Variants in CYFIP1 observed in about 807,000 individuals in gnomAD.
CYFIP1 encodes cytoplasmic FMR1-interacting protein 1.
In CYFIP1, 58 loss-of-function variants were observed where a neutral mutation model predicts 163.5. The ratio of observed to expected loss-of-function variants is 0.35; its 90% confidence interval spans 0.29 to 0.44. The LOEUF (loss-of-function observed/expected upper bound fraction) is 0.44, where lower values mean the gene tolerates loss of function less well. Ranked by LOEUF, CYFIP1 falls within the 20% of genes least tolerant of loss-of-function variation. The probability of loss-of-function intolerance (pLI) is 1.00; values close to 1 mark genes in which losing one functional copy is unlikely to be tolerated. For missense variants in CYFIP1, 1,338 were observed against 1,653.8 expected (o/e 0.81, Z 3.31); for synonymous variants, 663 against 660.7 (o/e 1.00, Z -0.05).
At chr15:22,897,081 C>T (rs1048781116) in intron 22 of CYFIP1, among the ~76,000 whole-genome samples, 2 of 151,998 alleles carry the variant, frequency 1.3e-5, no homozygotes, top group African/African-American at 4.8e-5. Context: ...GGCGTGGTGG[C>T]ACATGCCTGT....
rs75828053 is a variant in CYFIP1 at position 22,933,932 on chromosome 15, A to G, written c.901-39T>C. ...ACAAAAAAATAGAGTCATTATGTATATTTAGTCACCAAATACATAAGCACA... is the reference window on the plus strand; with the variant it reads ...ACAAAAAAATAGAGTCATTATGTATGTTTAGTCACCAAATACATAAGCACA... On this transcript the variant is annotated intron_variant, in intron 9 of 30. Coordinates refer to ENST00000617928, the MANE Select transcript of CYFIP1 (RefSeq NM_014608.6). 314 of 1,438,488 alleles carry G rather than the reference A, an allele frequency of 2.2e-4. 2 individuals are homozygous for G. The African/African-American group carries it at 3.1e-3, about 14-fold the overall frequency. The allele number at this position is 1,438,488 out of a possible 1,614,324, so 89.1% of individuals were successfully genotyped here. A position where few individuals can be genotyped will look rare whatever the true frequency, so the allele number is the denominator to read the frequency against.
At chr15:22,933,692 G>T in intron 10 of CYFIP1, 110 bp downstream of exon 10, 1 of 750,074 alleles carries the variant, frequency 1.3e-6, no homozygotes. Context: ...TTAATTCCAG[G>T]CTGAGAATGT....
At chr15:22,963,167 A>AT (rs1377856282) in intron 1 of CYFIP1, among the ~76,000 whole-genome samples, 1 of 152,136 alleles carries the variant, frequency 6.6e-6, no homozygotes, top group African/African-American at 2.4e-5. Flanking sequence ...TCTTTGTCCT[A>AT]TTTTTATTTT....
At chr15:22,896,629 T>C (rs938442604) in intron 22 of CYFIP1, among the ~76,000 whole-genome samples, 1 of 152,168 alleles carries the variant, frequency 6.6e-6, no homozygotes, top group Non-Finnish European at 1.5e-5. Context: ...TAATTTTTCA[T>C]TCTAGATACT....
At chr15:22,938,123 A>G (rs868379506) in intron 8 of CYFIP1, among the ~76,000 whole-genome samples, 34 of 152,348 alleles carry the variant, frequency 2.2e-4, no homozygotes, top group African/African-American at 7.7e-4. Flanking sequence ...GAGGTGGAGA[A>G]GAGAGCAAAG....
chr15:22,961,884 C>G (rs1347791728), intron 1 of CYFIP1, among the ~76,000 whole-genome samples: 1 of 152,110 alleles, frequency 6.6e-6, no homozygotes, highest in East Asian at 1.9e-4. Flanking sequence ...TTACTATTTT[C>G]TTTGAAACTA....
At chr15:22,941,966 C>T (rs2061905265) in intron 6 of CYFIP1, among the ~76,000 whole-genome samples, 1 of 152,216 alleles carries the variant, frequency 6.6e-6, no homozygotes, top group Non-Finnish European at 1.5e-5. Context: ...GGAGCCCACT[C>T]CGACCAGTGA....
intron 13 of CYFIP1, among the ~76,000 whole-genome samples, chr15:22,924,249 C>T (rs1419070051): frequency 6.6e-6 from 1 of 152,030 alleles, no homozygotes; most frequent in African/African-American, 2.4e-5. Flanking sequence ...CATGGTGAAA[C>T]CTTGTCTCTA....
rs114789881 is a variant in CYFIP1, at chr15:22,947,199, G to A, written c.87C>T (p.Ile29=). 3.2e-4 allele frequency: 520 copies of A among 1,614,038 alleles called. 3 individuals are homozygous for A. The African/African-American group carries it at 6.0e-3, about 19-fold the overall frequency. Residue 29 remains isoleucine (I), a synonymous_variant, in exon 2 of 31, where the codon ATC becomes ATT. Transcript: ENST00000617928. Reference sequence around the variant, plus strand: ...AGAGCAGCGAGGATGGCGGGGGCTCGATGCAGGGCTGCTGGTCGGGCAGGG... The same window carrying A: ...AGAGCAGCGAGGATGGCGGGGGCTCAATGCAGGGCTGCTGGTCGGGCAGGG... ...ELPLPDQQPC[I]EPPPSSLLYQ...
At chr15:22,874,700 G>A (rs1479204426) in intron 27 of CYFIP1, 56 bp from the exon 28 acceptor site, 75 of 1,203,190 alleles carry the variant, frequency 6.2e-5, no homozygotes, top group Admixed American at 9.0e-5. Context: ...AACGGTAATT[G>A]CAAAGGTTTA....
At chr15:22,959,006 G>A (rs1490325093) in intron 1 of CYFIP1, among the ~76,000 whole-genome samples, 1 of 152,176 alleles carries the variant, frequency 6.6e-6, no homozygotes, top group Non-Finnish European at 1.5e-5. Flanking sequence ...TGGAGGACCC[G>A]CTGTGCCATC....
At chr15:22,956,380 A>G (rs1312452222) in intron 1 of CYFIP1, among the ~76,000 whole-genome samples, 1 of 152,138 alleles carries the variant, frequency 6.6e-6, no homozygotes, top group Non-Finnish European at 1.5e-5. Flanking sequence ...AGACACTACT[A>G]GGCTGCAAAA....
At chr15:22,887,637 C>T (rs111434485) in intron 23 of CYFIP1, among the ~76,000 whole-genome samples, 279 of 152,288 alleles carry the variant, frequency 1.8e-3, no homozygotes, top group African/African-American at 6.5e-3. Context: ...GCCCAGTGTC[C>T]GGTTTCCCAG....
intron 28 of CYFIP1, among the ~76,000 whole-genome samples, chr15:22,874,295 T>C (rs2059521474): frequency 6.6e-6 from 1 of 152,240 alleles, no homozygotes. Flanking sequence ...GGCTGGACAG[T>C]GAAAGTGATG....
chr15:22,869,793 A>G lies in CYFIP1; in HGVS notation c.*235T>C, dbSNP rs2059371714. Reference sequence around the variant, plus strand: ...ACATCCCATAGAAAAACAATTTTGTAGGAACGTGATGGCAACAATCAGCAG... The same window carrying G: ...ACATCCCATAGAAAAACAATTTTGTGGGAACGTGATGGCAACAATCAGCAG... On this transcript the variant is annotated 3_prime_UTR_variant, in exon 31 of 31. Coordinates refer to ENST00000617928, the MANE Select transcript of CYFIP1 (RefSeq NM_014608.6). 8.2e-6 allele frequency: 3 copies of G among 363,768 alleles called. No homozygotes were observed. In the South Asian group the frequency reaches 2.7e-4, roughly 32 times the overall value. 22.5% of individuals were successfully genotyped at this position (363,768 alleles called of 1,614,324 possible).
intron 17 of CYFIP1, among the ~76,000 whole-genome samples, chr15:22,913,832 G>A (rs1455819327): frequency 6.6e-6 from 1 of 152,110 alleles, no homozygotes; most frequent in Non-Finnish European, 1.5e-5. Flanking sequence ...CAGAGGCTCT[G>A]CCCACACAAA....
intron 1 of CYFIP1, among the ~76,000 whole-genome samples, chr15:22,965,832 G>GC (rs1007870784): frequency 2.0e-5 from 3 of 152,210 alleles, no homozygotes; most frequent in African/African-American, 7.2e-5. Flanking sequence ...GTTCAGGGGC[G>GC]CCCCATCAAC....
intron 1 of CYFIP1, among the ~76,000 whole-genome samples, chr15:22,960,157 C>G (rs2062627132): frequency 2.0e-5 from 3 of 152,212 alleles, no homozygotes; most frequent in South Asian, 4.1e-4. Flanking sequence ...GGATCCCCTA[C>G]TGCCTCCAGC....
In CYFIP1 at chr15:22,918,809, C is replaced by T. The variant is rs756022808; in HGVS notation, c.1409G>A (p.Ser470Asn). The change falls in exon 14 of 31, where the codon AGC becomes AAC. Residue 470 changes from serine (S) to asparagine (N), a missense_variant. By Grantham distance (46) the Ser-to-Asn change is conservative. Coordinates refer to ENST00000617928, the MANE Select transcript of CYFIP1 (RefSeq NM_014608.6). ...GTGCCGGATGGCGTGGTTGAACACGCTCTCCATCCTGCCCATCAGCACCTG... is the reference window on the plus strand; with the variant it reads ...GTGCCGGATGGCGTGGTTGAACACGTTCTCCATCCTGCCCATCAGCACCTG... ...GLQVLMGRMESVFNHAIRHTV... is the reference protein window; with the variant it reads ...GLQVLMGRMENVFNHAIRHTV... 5.0e-6 allele frequency: 8 copies of T among 1,613,092 alleles called. No homozygotes were observed. Among genetic ancestry groups the T allele is most frequent in the Middle Eastern group, 1.6e-4 (1 of 6,062 alleles).
Sources: gnomAD v4.1 joint callset for allele counts (sites outside exome capture counted in the v4.1 genomes callset) on GRCh38, gnomAD v4.1.1 for gene constraint, MANE v1.5 for transcripts, NCBI Gene and HGNC (gene_info 2026-07-23, HGNC 2026-07-21) for gene names.